SNX18: variants seen among roughly 807,000 people sequenced by gnomAD.
SNX18 encodes the protein sorting nexin 18, also known as sorting nexin-18.
In SNX18, 35 loss-of-function variants were observed where a neutral mutation model predicts 48.7. The observed-to-expected ratio is 0.72, with a 90% CI of 0.55 to 0.95. The LOEUF (loss-of-function observed/expected upper bound fraction) is 0.95. Among genes scored for constraint, SNX18 ranks in the 40% least tolerant of loss-of-function variants. The pLI, the probability that SNX18 is intolerant of heterozygous loss-of-function variation, is 0.00. For missense variants in SNX18, 824 were observed against 871.0 expected (o/e 0.95, Z 0.68); for synonymous variants, 492 against 384.7 (o/e 1.28, Z -3.26).
At chr5:54,611,752 G>T in the SNX18 span, among the ~76,000 whole-genome samples, 2 of 152,162 alleles carry the variant, frequency 1.3e-5, no homozygotes, top group East Asian at 3.8e-4. Context: ...AGAAGTGGGG[G>T]TGGGGGCTGG....
intron 1 of SNX18, among the ~76,000 whole-genome samples, chr5:54,532,651 A>G (rs1324678538): frequency 1.3e-5 from 2 of 152,134 alleles, no homozygotes; most frequent in African/African-American, 4.8e-5. Flanking sequence ...ACCCAAAAAC[A>G]CTTCTCAAAT....
In SNX18 at chr5:54,544,395, ATAT is replaced by A. The variant is rs1762533769; in HGVS notation, c.*965_*967del. On this transcript the variant is annotated 3_prime_UTR_variant, in exon 2 of 2. Coordinates refer to ENST00000381410, the MANE Select transcript of SNX18 (RefSeq NM_001102575.2). ...TTTTTAGGTTGAAGATTTTCTTTTA[ATAT>A]TCAGTTTTTTGAAAAAAAATGGATC... 9.9e-6 allele frequency: 1 copy of A among 101,328 alleles called. No individual in the cohort carries two copies. Among genetic ancestry groups the A allele is most frequent in the South Asian group, 3.2e-4 (1 of 3,138 alleles). The allele number at this position is 101,328 out of a possible 1,614,324, so 6.3% of individuals were successfully genotyped here.
chr5:54,629,058 G>C, the SNX18 span, among the ~76,000 whole-genome samples: 612 of 152,346 alleles, frequency 4.0e-3, 6 homozygotes, highest in African/African-American at 0.014. Context: ...CCCTGGGGCT[G>C]AGTGGCTGCT....
chr5:54,525,995 C>CGG (rs1762125286), intron 1 of SNX18, among the ~76,000 whole-genome samples: 1 of 152,142 alleles, frequency 6.6e-6, no homozygotes, highest in Non-Finnish European at 1.5e-5. Flanking sequence ...TGATTAATAC[C>CGG]TGGCCTGCTG....
chr5:54,627,656 A>T, the SNX18 span, among the ~76,000 whole-genome samples: 1 of 152,100 alleles, frequency 6.6e-6, no homozygotes. Context: ...AGCTGTGTCA[A>T]GCAGGAGGGA....
intron 1 of SNX18, among the ~76,000 whole-genome samples, chr5:54,532,398 C>T (rs1170849698): frequency 6.7e-6 from 1 of 150,098 alleles, no homozygotes; most frequent in Non-Finnish European, 1.5e-5. Flanking sequence ...GACCTGAGGC[C>T]CCTATTTGTG....
the SNX18 span, among the ~76,000 whole-genome samples, chr5:54,641,156 G>T: frequency 6.6e-6 from 1 of 152,056 alleles, no homozygotes; most frequent in Non-Finnish European, 1.5e-5. Context: ...CTCACCCAGG[G>T]GTTCGATACC....
At chr5:54,566,078 A>G in the SNX18 span, among the ~76,000 whole-genome samples, 1 of 152,174 alleles carries the variant, frequency 6.6e-6, no homozygotes, top group Non-Finnish European at 1.5e-5. Flanking sequence ...AAACCTGGAT[A>G]TGGTCTTATT....
At position 54,518,971 on chromosome 5, in the gene SNX18, C is replaced by G; in HGVS notation, c.1019C>G (p.Ala340Gly). 1 of 1,613,640 alleles carries G rather than the reference C, an allele frequency of 6.2e-7. No individual in the cohort carries two copies. Among genetic ancestry groups the G allele is most frequent in the Non-Finnish European group, 8.5e-7 (1 of 1,179,986 alleles). The change falls in exon 1 of 2, where the codon GCC becomes GGC. Residue 340 changes from alanine (A) to glycine (G), a missense_variant. Ala to Gly is a moderately conservative substitution (Grantham distance 60). Coordinates refer to ENST00000381410, the MANE Select transcript of SNX18 (RefSeq NM_001102575.2). The stretch of plus-strand genomic sequence containing the variant: ...GTGCCCCACCTGCCCGAGAAGCAGG[C>G]CACCGGCCGCTTCGAGGAGGACTTC... ...ISVPHLPEKQ[A>G]TGRFEEDFIS... is the part of the protein sequence containing the mutation.
the SNX18 span, among the ~76,000 whole-genome samples, chr5:54,568,668 C>T: frequency 6.6e-6 from 1 of 152,160 alleles, no homozygotes; most frequent in African/African-American, 2.4e-5. Context: ...AGACTAGACT[C>T]AGCCCTCTGA....
the SNX18 span, among the ~76,000 whole-genome samples, chr5:54,579,570 G>A: frequency 6.6e-6 from 1 of 152,310 alleles, no homozygotes; most frequent in East Asian, 1.9e-4. Flanking sequence ...CTTGCAGTTG[G>A]AGAGAAGCTA....
chr5:54,582,508 C>T, the SNX18 span, among the ~76,000 whole-genome samples: 1 of 151,970 alleles, frequency 6.6e-6, no homozygotes, highest in African/African-American at 2.4e-5. Flanking sequence ...CCTGTAACCC[C>T]AGCACTTTGG....
Position 54,518,340 on chromosome 5 carries a change from G to A in SNX18, c.388G>A (p.Gly130Arg). ...GCCCGGCGCGGGCTTCCCGTACGGCGGGGGCGCCCTGCAGCCGTCGCCTCA... is the reference window on the plus strand; with the variant it reads ...GCCCGGCGCGGGCTTCCCGTACGGCAGGGGCGCCCTGCAGCCGTCGCCTCA... ...QPPGAGFPYGGGALQPSPQQL... is the reference protein window; with the variant it reads ...QPPGAGFPYGRGALQPSPQQL... The change falls in exon 1 of 2, where the codon GGG becomes AGG. Residue 130 changes from glycine (G) to arginine (R), a missense_variant. Gly to Arg is a moderately radical substitution (Grantham distance 125). Around this residue, in one of 3 missense-constraint regions of SNX18, gnomAD observed 377 missense variants for 350.6 expected, o/e 1.08. Transcript: ENST00000381410. 3 of 1,518,602 alleles carry A rather than the reference G, an allele frequency of 2.0e-6. No individual in the cohort carries two copies. The highest frequency in any genetic ancestry group is 1.8e-6 in the Non-Finnish European group (2 of 1,135,868). The allele number at this position is 1,518,602 out of a possible 1,614,324, so 94.1% of individuals were successfully genotyped here. A position where few individuals can be genotyped will look rare whatever the true frequency, so the allele number is the denominator to read the frequency against.
the SNX18 span, among the ~76,000 whole-genome samples, chr5:54,618,418 C>T: frequency 6.6e-6 from 1 of 152,118 alleles, no homozygotes; most frequent in African/African-American, 2.4e-5. Flanking sequence ...ATAAGCAGAT[C>T]AAATCCCAGC....
the SNX18 span, among the ~76,000 whole-genome samples, chr5:54,579,739 G>A: frequency 0.49 from 74,017 of 152,000 alleles, 19,318 homozygotes; most frequent in Non-Finnish European, 0.59. Flanking sequence ...AGCTCATCAA[G>A]GATGGGAACA....
downstream of SNX18, among the ~76,000 whole-genome samples, chr5:54,547,085 A>G (rs1762588196): frequency 6.6e-6 from 1 of 152,166 alleles, no homozygotes; most frequent in Admixed American, 6.5e-5. Context: ...TGTTTTACAT[A>G]TATGTTTTTT....
the SNX18 span, among the ~76,000 whole-genome samples, chr5:54,639,501 T>C: frequency 1.3e-5 from 2 of 152,252 alleles, no homozygotes; most frequent in African/African-American, 2.4e-5. Context: ...CTAATATTTA[T>C]TGATAGCTGA....
the SNX18 span, among the ~76,000 whole-genome samples, chr5:54,578,995 T>A: frequency 6.6e-6 from 1 of 152,130 alleles, no homozygotes; most frequent in East Asian, 1.9e-4. Context: ...GGCTAATTAG[T>A]CAAAGTTTGT....
At chr5:54,639,683 T>TA in the SNX18 span, among the ~76,000 whole-genome samples, 1 of 152,236 alleles carries the variant, frequency 6.6e-6, no homozygotes, top group African/African-American at 2.4e-5. Flanking sequence ...ACTTGGGTCC[T>TA]ATGGCCTGAG....
Sources: gnomAD v4.1 joint callset for allele counts (sites outside exome capture counted in the v4.1 genomes callset) on GRCh38, gnomAD v4.1.1 for gene constraint, gnomAD v4.1.1 regional missense constraint, MANE v1.5 for transcripts, NCBI Gene and HGNC (gene_info 2026-07-23, HGNC 2026-07-21) for gene names.